PSMD9: variants seen among roughly 807,000 people sequenced by gnomAD.
PSMD9 encodes the protein 26S proteasome non-ATPase regulatory subunit 9.
PSMD9 carries 26 observed loss-of-function variants against 25.9 expected under a neutral mutation model. The ratio of observed to expected loss-of-function variants is 1.00; its 90% confidence interval spans 0.73 to 1.39. PSMD9 has a LOEUF of 1.39. Among genes scored for constraint, PSMD9 ranks in the 40% most tolerant of loss-of-function variants. PSMD9 has a pLI of 0.00. For synonymous variants in PSMD9, 110 were observed against 114.5 expected (o/e 0.96, Z 0.25); for missense variants, 303 against 299.3 (o/e 1.01, Z -0.09).
At chr12:121,912,289 C>T (rs1456770963) in intron 4 of PSMD9, among the ~76,000 whole-genome samples, 1 of 152,016 alleles carries the variant, frequency 6.6e-6, no homozygotes, top group Non-Finnish European at 1.5e-5. Context: ...TCTTGGCCTC[C>T]CAAAGTGCTG....
At chr12:121,909,314 CTTT>C (rs140343580) in intron 4 of PSMD9, among the ~76,000 whole-genome samples, 4 of 141,164 alleles carry the variant, frequency 2.8e-5, no homozygotes, top group Non-Finnish European at 1.6e-5. Context: ...CAGCCACTGC[CTTT>C]TTTTTTTTTT....
chr12:121,917,826 T>TATA lies in PSMD9; in HGVS notation c.*1516_*1517insTAA, dbSNP rs764198485. 17 of 152,376 alleles carry TATA rather than the reference T, an allele frequency of 1.1e-4. No homozygotes were observed. The East Asian group carries it at 3.3e-3, about 29-fold the overall frequency. The allele number at this position is 152,376 out of a possible 1,614,324, so 9.4% of individuals were successfully genotyped here. The stretch of plus-strand genomic sequence containing the variant: ...TCCACGTATTTTCCAGTCTCTTTTA[T>TATA]AAAGTCTCAGACTATAATAAACACA... On this transcript the variant is annotated 3_prime_UTR_variant, in exon 6 of 6. Transcript: ENST00000541212.
intron 4 of PSMD9, among the ~76,000 whole-genome samples, chr12:121,903,500 A>G (rs1039547069): frequency 1.2e-4 from 19 of 152,120 alleles, no homozygotes; most frequent in Non-Finnish European, 2.2e-4. Context: ...CCTCTGGTCT[A>G]TAGCCCTGGA....
chr12:121,896,048 C>T (rs956253860), intron 2 of PSMD9, among the ~76,000 whole-genome samples: 2 of 151,392 alleles, frequency 1.3e-5, no homozygotes, highest in Non-Finnish European at 2.9e-5. Context: ...CTCTGTCACC[C>T]AGGTTGGAGT....
chr12:121,889,093 G>A (rs978858613), intron 1 of PSMD9, 99 bp downstream of exon 1: 32 of 1,453,542 alleles, frequency 2.2e-5, no homozygotes, highest in Non-Finnish European at 2.7e-5. Flanking sequence ...GCTCCGCAAC[G>A]GATCTCCCTG....
intron 2 of PSMD9, chr12:121,898,530 G>A (rs1381221238): frequency 6.6e-6 from 1 of 151,526 alleles, no homozygotes; most frequent in African/African-American, 2.4e-5. Context: ...GGATTACTAG[G>A]CTTATGCAGC....
chr12:121,900,079 C>T (rs1031232886), intron 3 of PSMD9, among the ~76,000 whole-genome samples: 1 of 152,176 alleles, frequency 6.6e-6, no homozygotes, highest in Non-Finnish European at 1.5e-5. Flanking sequence ...GTGACCTCTT[C>T]CCAGTGACAG....
At chr12:121,899,884 G>T (rs1879340606) in intron 3 of PSMD9, 39 bp downstream of exon 3, 1 of 1,609,034 alleles carries the variant, frequency 6.2e-7, no homozygotes, top group Non-Finnish European at 8.5e-7. Context: ...ATGCCCAGGG[G>T]ACACGGTGGG....
intron 1 of PSMD9, 133 bp from the exon 2 acceptor site, chr12:121,894,606 T>A: frequency 2.8e-6 from 2 of 722,100 alleles, no homozygotes; most frequent in South Asian, 3.5e-5. Flanking sequence ...GAGCCCCTGG[T>A]GTAAGTGATC....
At chr12:121,905,224 T>TC (rs1321688080) in intron 4 of PSMD9, among the ~76,000 whole-genome samples, 1 of 151,096 alleles carries the variant, frequency 6.6e-6, no homozygotes, top group African/African-American at 2.4e-5. Context: ...CTTTTTCTTT[T>TC]CTTTTTTTTT....
Position 121,915,888 on chromosome 12 carries a change from GGA to G in PSMD9, c.589_590del (p.Glu197LysfsTer5). 1 of 1,613,932 alleles carries G rather than the reference GGA, an allele frequency of 6.2e-7. No individual in the cohort carries two copies. Among genetic ancestry groups the G allele is most frequent in the Non-Finnish European group, 8.5e-7 (1 of 1,179,948 alleles). ...PLNVTVIRRG[E>X]KHQLRLVPTR... is the part of the protein sequence containing the mutation. Reference sequence around the variant, plus strand: ...TGAATGTGACAGTGATCCGCAGGGGGGAAAAACACCAGCTTAGACTTGTTCCA... The same window carrying G: ...TGAATGTGACAGTGATCCGCAGGGGGAAAACACCAGCTTAGACTTGTTCCA... On this transcript the variant is annotated frameshift_variant, in exon 5 of 6. Transcript: ENST00000541212. LOFTEE classifies it high-confidence loss of function.
Position 121,888,790 on chromosome 12 carries a change from A to T in PSMD9, c.-67A>T, listed in dbSNP as rs953079429. ...TTGGCGCATGGGCGGAGCCGTAGTT[A>T]CGGTCGACTGGGGCGTCGTCCCTAG... On this transcript the variant is annotated 5_prime_UTR_variant, in exon 1 of 6. Coordinates refer to ENST00000541212, the MANE Select transcript of PSMD9 (RefSeq NM_002813.7). The T allele has an allele frequency of 6.5e-7, 1 of 1,544,426 alleles. No individual in the cohort carries two copies. The highest frequency in any genetic ancestry group is 8.7e-7 in the Non-Finnish European group (1 of 1,144,498).
At chr12:121,897,338 G>A (rs1879263560) in intron 2 of PSMD9, 1 of 150,902 alleles carries the variant, frequency 6.6e-6, no homozygotes, top group Non-Finnish European at 1.5e-5. Context: ...GCATGATCTC[G>A]GCTCACTCAC....
chr12:121,910,457 A>G (rs1423102470), intron 4 of PSMD9, among the ~76,000 whole-genome samples: 2 of 151,812 alleles, frequency 1.3e-5, no homozygotes, highest in East Asian at 1.9e-4. Flanking sequence ...GTAAATATAC[A>G]TAATATAAAA....
chr12:121,904,778 CTCCTGAG>C lies in PSMD9; in HGVS notation c.555+1673_555+1679del, dbSNP rs1304302911. On this transcript the variant is annotated intron_variant, in intron 4 of 5. Transcript: ENST00000541212. ...GTTCAAGTGATTCTCCTGCCTCAGC[CTCCTGAG>C]TAGCTGGGATTACAGGCGCCCACCA... Among the ~76,000 whole-genome samples the C allele has an allele frequency of 1.9e-4, 29 of 149,792 alleles. 1 individual carries two copies. The highest frequency in any genetic ancestry group is 6.2e-4 in the African/African-American group (25 of 40,280).
chr12:121,893,520 T>C (rs1008349976), intron 1 of PSMD9, among the ~76,000 whole-genome samples: 1 of 152,196 alleles, frequency 6.6e-6, no homozygotes, highest in African/African-American at 2.4e-5. Flanking sequence ...TTGTCCCAGC[T>C]CTGGAGGCCA....
intron 4 of PSMD9, among the ~76,000 whole-genome samples, chr12:121,906,067 A>G (rs944187854): frequency 6.7e-6 from 1 of 149,888 alleles, no homozygotes; most frequent in African/African-American, 2.5e-5. Context: ...ATCTGTGAGA[A>G]GAGCTGCTGG....
rs1269349841 is a variant in PSMD9, at chr12:121,903,104, G to A, written c.552G>A (p.Glu184=). The A allele has an allele frequency of 4.3e-6, 7 of 1,612,292 alleles. No homozygotes were observed. In the Admixed American group the frequency reaches 6.7e-5, roughly 15 times the overall value. The stretch of plus-strand genomic sequence containing the variant: ...TTGGCAGTGTGGTGCAGCACAGTGA[G>A]GGGGTGAGTGGGGCTACCTGGTGTC... ...HNIGSVVQHS[E]GKPLNVTVIR... Residue 184 remains glutamate, a synonymous_variant, in exon 4 of 6, where the codon GAG becomes GAA. Coordinates refer to ENST00000541212, the MANE Select transcript of PSMD9 (RefSeq NM_002813.7).
At chr12:121,906,347 C>T (rs140998208) in intron 4 of PSMD9, among the ~76,000 whole-genome samples, 1 of 151,794 alleles carries the variant, frequency 6.6e-6, no homozygotes, top group East Asian at 1.9e-4. Context: ...ATCAAGAATC[C>T]GGGTTTGGTT....
Sources: allele counts gnomAD v4.1 joint callset (sites outside exome capture counted in the v4.1 genomes callset), GRCh38; gene constraint gnomAD v4.1.1; transcripts MANE v1.5; gene names NCBI Gene and HGNC (gene_info 2026-07-23, HGNC 2026-07-21).